Variants in SLC16A13 observed in about 807,000 individuals in gnomAD.
The protein encoded by SLC16A13 is solute carrier family 16 member 13.
A neutral mutation model predicts 28.1 loss-of-function variants in SLC16A13; 28 were observed. The observed-to-expected ratio is 1.00, with a 90% CI of 0.74 to 1.37. The LOEUF is 1.37. SLC16A13 is among the 40% of genes most tolerant of loss of function. The pLI is 0.00. For missense variants in SLC16A13, 482 were observed against 531.8 expected (o/e 0.91, Z 0.92); for synonymous variants, 228 against 241.6 (o/e 0.94, Z 0.52).
Position 7,038,603 on chromosome 17 carries a change from G to A in SLC16A13, c.795G>A (p.Gly265=), listed in dbSNP as rs748107957. The change falls in exon 3 of 4, where the codon GGG becomes GGA. Residue 265 remains glycine (G), a synonymous_variant. Coordinates refer to ENST00000308027, the MANE Select transcript of SLC16A13 (RefSeq NM_201566.3). The surrounding 1 kb of genome is among the most constrained non-coding windows in gnomAD (Gnocchi z 5.7). ...TTGTTGCTATTTCTGACCTCGTGGG[G>A]CGTGTGGTCTCCGGATGGCTGGGAG... is the stretch of plus-strand genomic sequence containing the variant. The part of the protein sequence containing the change: ...LSVVAISDLV[G]RVVSGWLGDA... 3 of 1,614,152 alleles carry A rather than the reference G, an allele frequency of 1.9e-6. No homozygotes were observed. The South Asian group carries it at 3.3e-5, about 18-fold the overall frequency.
In SLC16A13 at chr17:7,036,685, G is replaced by A. The variant is rs981152126; in HGVS notation, c.200-42G>A. On this transcript the variant is annotated intron_variant, in intron 1 of 3. Transcript: ENST00000308027. ...GAGGGGCGGGAGATGCTGGGGGGGA[G>A]ACCCCTGAGATCTTCTCGCAGCGCC... The A allele has an allele frequency of 3.7e-6, 6 of 1,606,994 alleles. No homozygotes were observed. In the African/African-American group the frequency reaches 5.3e-5, roughly 14 times the overall value.
intron 1 of SLC16A13, 23 bp from the exon 2 acceptor site, chr17:7,036,704 C>T: frequency 6.2e-7 from 1 of 1,609,974 alleles, no homozygotes; most frequent in Non-Finnish European, 8.5e-7. Flanking sequence ...GATCTTCTCG[C>T]AGCGCCCCTT....
Position 7,036,835 on chromosome 17 carries a change from T to C in SLC16A13, c.308T>C (p.Leu103Ser). Residue 103 changes from leucine to serine, a missense_variant, in exon 2 of 4, where the codon TTG becomes TCG. Coordinates refer to ENST00000308027, the MANE Select transcript of SLC16A13 (RefSeq NM_201566.3). Reference protein sequence around the residue: ...GMLLASFATSLTHLYLSIGLL... With the variant: ...GMLLASFATSSTHLYLSIGLL... ...CTGCTCGCCTCTTTTGCTACTTCCT[T>C]GACCCACCTATACCTGAGTATTGGG... 4.3e-6 allele frequency: 7 copies of C among 1,613,714 alleles called. No individual in the cohort carries two copies. Among genetic ancestry groups the C allele is most frequent in the Non-Finnish European group, 5.1e-6 (6 of 1,180,044 alleles).
intron 2 of SLC16A13, 39 bp downstream of exon 2, chr17:7,036,909 G>C (rs1299548789): frequency 2.5e-6 from 4 of 1,600,428 alleles, no homozygotes; most frequent in African/African-American, 1.3e-5. Flanking sequence ...CAAATGCTTA[G>C]ATCGTTGGAT....
Position 7,038,560 on chromosome 17 carries a change from C to G in SLC16A13, c.752C>G (p.Ala251Gly), listed in dbSNP as rs1344695478. Reference protein sequence around the residue: ...LQDLDWDPLPAAFLLSVVAIS... With the variant: ...LQDLDWDPLPGAFLLSVVAIS... ...GACCTGGATTGGGACCCACTACCTG[C>G]TGCCTTCCTACTCTCAGTTGTTGCT... The change falls in exon 3 of 4, where the codon GCT becomes GGT. Residue 251 changes from alanine to glycine, a missense_variant. Transcript: ENST00000308027. This position sits in a 1 kb window ranked among gnomAD's most constrained non-coding sequence, Gnocchi z 5.7. 6.2e-7 allele frequency: 1 copy of G among 1,614,138 alleles called. No individual in the cohort carries two copies. The highest frequency in any genetic ancestry group is 8.5e-7 in the Non-Finnish European group (1 of 1,180,058).
rs775001815 is a variant in SLC16A13, at chr17:7,036,604, G to C, written c.199+23G>C. The C allele has an allele frequency of 3.8e-5, 61 of 1,611,854 alleles. No individual in the cohort carries two copies. The Admixed American group carries it at 1.0e-3, about 26-fold the overall frequency. On this transcript the variant is annotated intron_variant, in intron 1 of 3. Transcript: ENST00000308027. Reference sequence around the variant, plus strand: ...GGAGTGAGTGCGGCGCCTGGATCTGGCGGACTGCGACCCTCGGAAGGGAGA... The same window carrying C: ...GGAGTGAGTGCGGCGCCTGGATCTGCCGGACTGCGACCCTCGGAAGGGAGA...
Position 7,038,828 on chromosome 17 carries a change from T to C in SLC16A13, c.1020T>C (p.Cys340=), listed in dbSNP as rs112095465. 4 of 1,614,020 alleles carry C rather than the reference T, an allele frequency of 2.5e-6. No homozygotes were observed. The highest frequency in any genetic ancestry group is 3.4e-6 in the Non-Finnish European group (4 of 1,179,982). ...TAATAGGGACTAGAAGGATTTACTG[T>C]GGCCTGGGACTGTTGCAGATGATAG... ...PELIGTRRIY[C]GLGLLQMIES... The change falls in exon 3 of 4, where the codon TGT becomes TGC. Residue 340 remains cysteine (C), a synonymous_variant. Coordinates refer to ENST00000308027, the MANE Select transcript of SLC16A13 (RefSeq NM_201566.3). The surrounding 1 kb of genome is among the most constrained non-coding windows in gnomAD (Gnocchi z 5.7).
chr17:7,038,541 G>T lies in SLC16A13; in HGVS notation c.733G>T (p.Asp245Tyr), dbSNP rs1158607997. Residue 245 changes from aspartate (D) to tyrosine (Y), a missense_variant, in exon 3 of 4, where the codon GAT becomes TAT. Physicochemically the swap from Asp to Tyr is radical, Grantham distance 160. Transcript: ENST00000308027. This position sits in a 1 kb window ranked among gnomAD's most constrained non-coding sequence, Gnocchi z 5.7. ...CCTGGTGGCCCATCTCCAGGACCTG[G>T]ATTGGGACCCACTACCTGCTGCCTT... ...LHLVAHLQDL[D>Y]WDPLPAAFLL... is the part of the protein sequence containing the mutation. 6.2e-7 allele frequency: 1 copy of T among 1,614,080 alleles called. No homozygotes were observed. The highest frequency in any genetic ancestry group is 8.5e-7 in the Non-Finnish European group (1 of 1,180,050).
In SLC16A13 at chr17:7,040,002, C is replaced by A; in HGVS notation, c.*40C>A. On this transcript the variant is annotated 3_prime_UTR_variant, in exon 4 of 4. Coordinates refer to ENST00000308027, the MANE Select transcript of SLC16A13 (RefSeq NM_201566.3). ...GGCCCAGAAAGCCAAAGCTTGACAG[C>A]TCCAGGTCTTCTCTTGCCACGTCTT... is the stretch of plus-strand genomic sequence containing the variant. The A allele has an allele frequency of 6.3e-7, 1 of 1,575,214 alleles. No homozygotes were observed. Among genetic ancestry groups the A allele is most frequent in the Non-Finnish European group, 8.7e-7 (1 of 1,151,974 alleles).
rs762782545 is a variant in SLC16A13, at chr17:7,036,387, C to A, written c.5C>A (p.Ala2Glu). The A allele has an allele frequency of 2.5e-6, 4 of 1,605,190 alleles. No individual in the cohort carries two copies. Among genetic ancestry groups the A allele is most frequent in the South Asian group, 1.1e-5 (1 of 90,724 alleles). Reference sequence around the variant, plus strand: ...AGCAGCCCTGTTACCGCTTAGATGGCGCGCAGGACAGAGCCCCCCGACGGG... The same window carrying A: ...AGCAGCCCTGTTACCGCTTAGATGGAGCGCAGGACAGAGCCCCCCGACGGG... Reference protein sequence around the residue: MARRTEPPDGGW... With the variant: MERRTEPPDGGW... The change falls in exon 1 of 4, where the codon GCG (alanine) becomes GAG (glutamate). Residue 2 changes from alanine (A) to glutamate (E), a missense_variant. By Grantham distance (107) the Ala-to-Glu change is moderately radical (BLOSUM62 -1). Transcript: ENST00000308027.
At position 7,039,903 on chromosome 17, in the gene SLC16A13, G is replaced by T; in HGVS notation, c.1222G>T (p.Val408Leu). 1 of 1,614,038 alleles carries T rather than the reference G, an allele frequency of 6.2e-7. No homozygotes were observed. Among genetic ancestry groups the T allele is most frequent in the Non-Finnish European group, 8.5e-7 (1 of 1,180,016 alleles). ...STTTSGPQDLVTEALDTKVPL... is the reference protein window; with the variant it reads ...STTTSGPQDLLTEALDTKVPL... ...TACTACCTCCGGGCCCCAGGACCTT[G>T]TAACAGAAGCACTAGATACTAAAGT... Residue 408 changes from valine (V) to leucine (L), a missense_variant, in exon 4 of 4, where the codon GTA (valine) becomes TTA (leucine). Transcript: ENST00000308027. This position sits in a 1 kb window ranked among gnomAD's most constrained non-coding sequence, Gnocchi z 4.3.
Position 7,036,911 on chromosome 17 carries a change from T to C in SLC16A13, c.343+41T>C, listed in dbSNP as rs1384928713. ...AGGGCAGGAGAGTCAAATGCTTAGA[T>C]CGTTGGATGTTCACCTCCTTCCTGC... On this transcript the variant is annotated intron_variant, in intron 2 of 3. Coordinates refer to ENST00000308027, the MANE Select transcript of SLC16A13 (RefSeq NM_201566.3). 3 of 1,599,342 alleles carry C rather than the reference T, an allele frequency of 1.9e-6. No individual in the cohort carries two copies. The African/African-American group carries it at 4.0e-5, about 21-fold the overall frequency.
At position 7,039,416 on chromosome 17, in the gene SLC16A13, C is replaced by T. The variant is rs943134728; in HGVS notation, c.1082-347C>T. ...CGGAGCTTGCAGTGAGCTGAGATCG[C>T]GCCACTGCACTTCAGCCTGGGCGAC... is the stretch of plus-strand genomic sequence containing the variant. On this transcript the variant is annotated intron_variant, in intron 3 of 3. Coordinates refer to ENST00000308027, the MANE Select transcript of SLC16A13 (RefSeq NM_201566.3). The surrounding 1 kb of genome is among the most constrained non-coding windows in gnomAD (Gnocchi z 4.3). 4.6e-5 allele frequency among the ~76,000 whole-genome samples: 7 copies of T among 150,878 alleles called. No individual in the cohort carries two copies. The highest frequency in any genetic ancestry group is 8.8e-5 in the Non-Finnish European group (6 of 67,830).
rs1910596517 is a variant in SLC16A13 at position 7,036,886 on chromosome 17, A to G, written c.343+16A>G. 2.5e-6 allele frequency: 4 copies of G among 1,609,620 alleles called. No homozygotes were observed. Among genetic ancestry groups the G allele is most frequent in the Non-Finnish European group, 2.5e-6 (3 of 1,179,568 alleles). The stretch of plus-strand genomic sequence containing the variant: ...TTGCTGTCAGGTGAGAGCCTGCACA[A>G]GGGCAGGAGAGTCAAATGCTTAGAT... On this transcript the variant is annotated intron_variant, in intron 2 of 3. Transcript: ENST00000308027.
In SLC16A13 at chr17:7,039,474, AAG is replaced by A. The variant is rs1555571880; in HGVS notation, c.1082-287_1082-286del. On this transcript the variant is annotated intron_variant, in intron 3 of 3. Coordinates refer to ENST00000308027, the MANE Select transcript of SLC16A13 (RefSeq NM_201566.3). This position sits in a 1 kb window ranked among gnomAD's most constrained non-coding sequence, Gnocchi z 4.3. The stretch of plus-strand genomic sequence containing the variant: ...GACTCCGTCTCAAAAAAAAAAAAAA[AAG>A]AAAGGCCACAGTTGCCAGAAAGAAA... Among the ~76,000 whole-genome samples, 49 of 152,080 alleles carry A rather than the reference AAG, an allele frequency of 3.2e-4. No individual in the cohort carries two copies. The highest frequency in any genetic ancestry group is 8.9e-4 in the African/African-American group (37 of 41,466).
chr17:7,039,627 A>G lies in SLC16A13; in HGVS notation c.1082-136A>G. ...GCCCTTTTGGGAAACCAGAGTTCTTAAGTTTATCCAACTATTCCATGGGAG... is the reference window on the plus strand; with the variant it reads ...GCCCTTTTGGGAAACCAGAGTTCTTGAGTTTATCCAACTATTCCATGGGAG... On this transcript the variant is annotated intron_variant, in intron 3 of 3. Coordinates refer to ENST00000308027, the MANE Select transcript of SLC16A13 (RefSeq NM_201566.3). This position sits in a 1 kb window ranked among gnomAD's most constrained non-coding sequence, Gnocchi z 4.3. 1 of 899,430 alleles carries G rather than the reference A, an allele frequency of 1.1e-6. No individual in the cohort carries two copies. The highest frequency in any genetic ancestry group is 1.7e-5 in the South Asian group (1 of 57,742). 55.7% of individuals were successfully genotyped at this position (899,430 alleles called of 1,614,324 possible). A position where few individuals can be genotyped will look rare whatever the true frequency, so the allele number is the denominator to read the frequency against.
In SLC16A13 at chr17:7,036,820, C is replaced by G. The variant is rs1567732054; in HGVS notation, c.293C>G (p.Ser98Cys). Residue 98 changes from serine to cysteine, a missense_variant, in exon 2 of 4, where the codon TCT becomes TGT. Transcript: ENST00000308027. ...GCTGCGCTGGGGATGCTGCTCGCCT[C>G]TTTTGCTACTTCCTTGACCCACCTA... ...ILAALGMLLA[S>C]FATSLTHLYL... 3 of 1,613,884 alleles carry G rather than the reference C, an allele frequency of 1.9e-6. No homozygotes were observed. The highest frequency in any genetic ancestry group is 1.1e-5 in the South Asian group (1 of 91,084).
Position 7,036,414 on chromosome 17 carries a change from G to A in SLC16A13, c.32G>A (p.Gly11Asp). Residue 11 changes from glycine (G) to aspartate (D), a missense_variant, in exon 1 of 4, where the codon GGC becomes GAC. By Grantham distance (94) the Gly-to-Asp change is moderately conservative (BLOSUM62 -1). Transcript: ENST00000308027. MARRTEPPDG[G>D]WGWVVVLSAF... ...CGCAGGACAGAGCCCCCCGACGGGG[G>A]CTGGGGATGGGTGGTGGTGCTCTCA... 2 of 1,611,938 alleles carry A rather than the reference G, an allele frequency of 1.2e-6. No homozygotes were observed. The highest frequency in any genetic ancestry group is 1.7e-6 in the Non-Finnish European group (2 of 1,179,892).
At position 7,040,039 on chromosome 17, in the gene SLC16A13, A is replaced by T; in HGVS notation, c.*77A>T. ...TCTTGCCACGTCTTGGTCTCCACAG[A>T]ACCACAGTGCCTTAAGATTCTTGAT... On this transcript the variant is annotated 3_prime_UTR_variant, in exon 4 of 4. Transcript: ENST00000308027. 7.5e-7 allele frequency: 1 copy of T among 1,339,598 alleles called. No homozygotes were observed. The highest frequency in any genetic ancestry group is 1.0e-6 in the Non-Finnish European group (1 of 955,156). The allele number at this position is 1,339,598 out of a possible 1,614,324, so 83.0% of individuals were successfully genotyped here. A position where few individuals can be genotyped will look rare whatever the true frequency, so the allele number is the denominator to read the frequency against.
Sources: gnomAD v4.1 joint callset for allele counts (sites outside exome capture counted in the v4.1 genomes callset) on GRCh38, gnomAD v4.1.1 for gene constraint, Gnocchi (gnomAD v3.1) non-coding constraint, MANE v1.5 for transcripts, NCBI Gene and HGNC (gene_info 2026-07-23, HGNC 2026-07-21) for gene names.